RIN3: variants seen among roughly 807,000 people sequenced by gnomAD.
The protein encoded by RIN3 is Ras and Rab interactor 3.
A neutral mutation model predicts 76.3 loss-of-function variants in RIN3; 54 were observed. The observed-to-expected ratio is 0.71, with a 90% CI of 0.57 to 0.89. The LOEUF (loss-of-function observed/expected upper bound fraction) is 0.89. RIN3 is among the 40% of genes least tolerant of loss of function. The probability of loss-of-function intolerance (pLI) is 0.00; values close to 1 mark genes in which losing one functional copy is unlikely to be tolerated. For missense variants in RIN3, 1,256 were observed against 1,322.1 expected (o/e 0.95, Z 0.78); for synonymous variants, 576 against 564.0 (o/e 1.02, Z -0.30).
At chr14:92,528,624 C>T (rs1031827407) in intron 1 of RIN3, among the ~76,000 whole-genome samples, 1 of 152,176 alleles carries the variant, frequency 6.6e-6, no homozygotes, top group Non-Finnish European at 1.5e-5. Flanking sequence ...GGGGGCAGGT[C>T]CCCAGCGCCA....
chr14:92,632,130 C>T (rs115020128), intron 4 of RIN3, among the ~76,000 whole-genome samples: 191 of 152,266 alleles, frequency 1.3e-3, no homozygotes, highest in African/African-American at 4.5e-3. Flanking sequence ...AGCTCTGGAG[C>T]ATAAAGTAAA....
intron 4 of RIN3, among the ~76,000 whole-genome samples, chr14:92,631,398 A>G (rs1211271029): frequency 6.6e-6 from 1 of 152,206 alleles, no homozygotes; most frequent in Admixed American, 6.5e-5. Context: ...GCCCCCAGAA[A>G]TAAAAAAAAG....
intron 3 of RIN3, among the ~76,000 whole-genome samples, 156 bp downstream of exon 3, chr14:92,577,633 C>G (rs561134349): frequency 6.6e-6 from 1 of 152,320 alleles, no homozygotes; most frequent in African/African-American, 2.4e-5. Context: ...CTTAGCCAGA[C>G]TTGTTTTGAA....
At chr14:92,668,060 C>G (rs1349489029) in intron 7 of RIN3, among the ~76,000 whole-genome samples, 1 of 152,200 alleles carries the variant, frequency 6.6e-6, no homozygotes, top group African/African-American at 2.4e-5. Context: ...CTAGTCCATG[C>G]TAATCACCTT....
chr14:92,548,213 A>G (rs1303597189), intron 1 of RIN3, among the ~76,000 whole-genome samples: 1 of 152,146 alleles, frequency 6.6e-6, no homozygotes, highest in African/African-American at 2.4e-5. Context: ...CTTTGCCAGG[A>G]TACGTAAACA....
chr14:92,612,338 G>A (rs1234842043), intron 3 of RIN3, among the ~76,000 whole-genome samples: 1 of 152,216 alleles, frequency 6.6e-6, no homozygotes, highest in East Asian at 1.9e-4. Context: ...CCACCCATCA[G>A]AACAAAGGAT....
intron 1 of RIN3, among the ~76,000 whole-genome samples, chr14:92,551,302 T>A (rs1441809159): frequency 6.6e-6 from 1 of 152,238 alleles, no homozygotes; most frequent in Admixed American, 6.5e-5. Context: ...TTTTTATTGC[T>A]GACTACTGAC....
Position 92,667,765 on chromosome 14 carries a change from G to A in RIN3, c.2335+8296G>A, listed in dbSNP as rs182367278. The stretch of plus-strand genomic sequence containing the variant: ...TCACTCATGTAAGTCCAATTGCATA[G>A]AGGAGGTTTGGAGGTGGAGGGCCAT... On this transcript the variant is annotated intron_variant, in intron 7 of 9. Coordinates refer to ENST00000216487, the MANE Select transcript of RIN3 (RefSeq NM_024832.5). 2.5e-3 allele frequency among the ~76,000 whole-genome samples: 375 copies of A among 152,302 alleles called. 3 individuals are homozygous for A. The highest frequency in any genetic ancestry group is 0.024 in the Middle Eastern group (7 of 294).
At chr14:92,600,845 C>G (rs564628097) in intron 3 of RIN3, among the ~76,000 whole-genome samples, 2 of 152,340 alleles carry the variant, frequency 1.3e-5, no homozygotes, top group African/African-American at 4.8e-5. Context: ...TCCCCGGGCT[C>G]TGTCCACTAG....
intron 2 of RIN3, among the ~76,000 whole-genome samples, chr14:92,574,466 C>T (rs1898155745): frequency 6.6e-6 from 1 of 152,182 alleles, no homozygotes; most frequent in Non-Finnish European, 1.5e-5. Flanking sequence ...TCCAGGTAGC[C>T]CTTTTCTGTT....
chr14:92,641,278 C>G lies in RIN3; in HGVS notation c.481C>G (p.Leu161Val). The stretch of plus-strand genomic sequence containing the variant: ...CACACTGCGGCTACCCCAGGCCATC[C>G]TTGAGGCCAGCAGCTTCACGGACCT... ...PFTLRLPQAI[L>V]EASSFTDLET... The change falls in exon 5 of 10, where the codon CTT becomes GTT. Residue 161 changes from leucine to valine, a missense_variant. By Grantham distance (32) the Leu-to-Val change is conservative (BLOSUM62 1). Coordinates refer to ENST00000216487, the MANE Select transcript of RIN3 (RefSeq NM_024832.5). 1.9e-6 allele frequency: 3 copies of G among 1,614,132 alleles called. No individual in the cohort carries two copies. Among genetic ancestry groups the G allele is most frequent in the Non-Finnish European group, 2.5e-6 (3 of 1,179,978 alleles).
At chr14:92,537,569 A>G (rs771138001) in intron 1 of RIN3, among the ~76,000 whole-genome samples, 6 of 150,408 alleles carry the variant, frequency 4.0e-5, no homozygotes, top group Non-Finnish European at 8.8e-5. Context: ...GAAGTTACTG[A>G]ATTGCCCTCC....
At chr14:92,575,800 C>T (rs1256112811) in intron 2 of RIN3, among the ~76,000 whole-genome samples, 1 of 152,136 alleles carries the variant, frequency 6.6e-6, no homozygotes, top group Admixed American at 6.5e-5. Context: ...GTCTTTGTAA[C>T]CTGTATCTTG....
chr14:92,587,046 G>A (rs939690564), intron 3 of RIN3, among the ~76,000 whole-genome samples: 2 of 152,244 alleles, frequency 1.3e-5, no homozygotes, highest in Non-Finnish European at 2.9e-5. Flanking sequence ...AATCAAAGTT[G>A]AGGCTAGAAG....
chr14:92,678,370 C>T (rs1309536113), intron 8 of RIN3, among the ~76,000 whole-genome samples: 1 of 151,924 alleles, frequency 6.6e-6, no homozygotes, highest in Non-Finnish European at 1.5e-5. Flanking sequence ...ATCCCCCTAC[C>T]CATCCACTTA....
chr14:92,618,852 A>G (rs1283934876), intron 4 of RIN3, among the ~76,000 whole-genome samples: 1 of 152,150 alleles, frequency 6.6e-6, no homozygotes, highest in African/African-American at 2.4e-5. Flanking sequence ...AGAACTCTTA[A>G]TAATAAAAGC....
intron 5 of RIN3, chr14:92,644,420 T>TC (rs1555390857): frequency 6.6e-5 from 10 of 151,504 alleles, no homozygotes; most frequent in African/African-American, 2.4e-4. Flanking sequence ...TTTTTTTTTT[T>TC]AAAGGCGATG....
At chr14:92,664,751 T>C (rs976927822) in intron 7 of RIN3, among the ~76,000 whole-genome samples, 5 of 152,210 alleles carry the variant, frequency 3.3e-5, no homozygotes, top group African/African-American at 1.2e-4. Context: ...CCTGTGTCCT[T>C]TACCCCAAAC....
At chr14:92,583,066 G>A (rs72631620) in intron 3 of RIN3, among the ~76,000 whole-genome samples, 8,763 of 152,210 alleles carry the variant, frequency 0.058, 461 homozygotes, top group East Asian at 0.26. Context: ...TGATGGTGCC[G>A]CCATCACAGG....
Sources: allele counts gnomAD v4.1 joint callset (sites outside exome capture counted in the v4.1 genomes callset), GRCh38; gene constraint gnomAD v4.1.1; transcripts MANE v1.5; gene names NCBI Gene and HGNC (gene_info 2026-07-23, HGNC 2026-07-21).